The following POLQ variants were observed in gnomAD, a reference collection of about 807,000 sequenced individuals.
POLQ encodes the protein DNA polymerase theta.
POLQ carries 233 observed loss-of-function variants against 259.2 expected under a neutral mutation model. The ratio of observed to expected loss-of-function variants is 0.90; its 90% CI spans 0.81 to 1.00. The LOEUF is 1.00. POLQ is among the 50% of genes least tolerant of loss of function. The probability of loss-of-function intolerance (pLI) is 0.00; values close to 1 mark genes in which losing one functional copy is unlikely to be tolerated. For synonymous variants in POLQ, 1,025 were observed against 1,048.8 expected, an observed-to-expected ratio of 0.98 and a Z score of 0.44; for missense variants, 2,871 against 3,051.6, an observed-to-expected ratio of 0.94 and a Z score of 1.39.
chr3:121,511,636 G>C (rs940978859), intron 10 of POLQ, among the ~76,000 whole-genome samples: 1 of 152,042 alleles, frequency 6.6e-6, no homozygotes, highest in Admixed American at 6.6e-5. Context: ...AAATTAGCCA[G>C]GGATGATGGT....
At chr3:121,531,517 T>C (rs566619343) in intron 6 of POLQ, among the ~76,000 whole-genome samples, 39 of 152,262 alleles carry the variant, frequency 2.6e-4, no homozygotes, top group Admixed American at 5.9e-4. Flanking sequence ...TAGGACCTTA[T>C]AGACTACTAA....
At chr3:121,458,808 CG>C (rs1560089284) in intron 25 of POLQ, among the ~76,000 whole-genome samples, 1 of 152,100 alleles carries the variant, frequency 6.6e-6, no homozygotes, top group African/African-American at 2.4e-5. Context: ...CCCAGCACTT[CG>C]GGAGGCCAAG....
Position 121,537,252 on chromosome 3 carries a change from T to A in POLQ, c.632-44A>T, listed in dbSNP as rs76616505. The A allele has an allele frequency of 1.0e-5, 11 of 1,064,184 alleles. No individual in the cohort carries two copies. In the East Asian group the frequency reaches 2.6e-4, roughly 25 times the overall value. The allele number at this position is 1,064,184 out of a possible 1,614,324, so 65.9% of individuals were successfully genotyped here. On this transcript the variant is annotated intron_variant, in intron 4 of 29. Coordinates refer to ENST00000264233, the MANE Select transcript of POLQ (RefSeq NM_199420.4). ...TACTAGGTTTTTACAGAATGTCACATCCATGAAGAATTTTTTTCCAACCTT... is the reference window on the plus strand; with the variant it reads ...TACTAGGTTTTTACAGAATGTCACAACCATGAAGAATTTTTTTCCAACCTT...
intron 24 of POLQ, among the ~76,000 whole-genome samples, chr3:121,461,893 T>TTA (rs2047795019): frequency 6.6e-6 from 1 of 152,176 alleles, no homozygotes; most frequent in Admixed American, 6.5e-5. Context: ...TACACATCTT[T>TTA]TATATCATGT....
chr3:121,499,470 G>A (rs1014585614), intron 12 of POLQ, among the ~76,000 whole-genome samples: 2 of 152,044 alleles, frequency 1.3e-5, no homozygotes, highest in African/African-American at 4.8e-5. Flanking sequence ...GCCCAGGTTG[G>A]TCTCAGACTC....
chr3:121,506,757 T>C (rs983128565), intron 12 of POLQ, among the ~76,000 whole-genome samples: 2 of 152,218 alleles, frequency 1.3e-5, no homozygotes, highest in Non-Finnish European at 2.9e-5. Flanking sequence ...CATTTCAGTC[T>C]TTCCTAAAGA....
At chr3:121,494,613 T>C in intron 14 of POLQ, 1 of 1,521,218 alleles carries the variant, frequency 6.6e-7, no homozygotes, top group South Asian at 1.2e-5. Flanking sequence ...CTGGCTGTCT[T>C]CTTGCCTGCC....
intron 24 of POLQ, among the ~76,000 whole-genome samples, chr3:121,465,751 G>A (rs1396500767): frequency 6.6e-6 from 1 of 152,148 alleles, no homozygotes; most frequent in Non-Finnish European, 1.5e-5. Context: ...AATTTTGTGT[G>A]TGTTCTAACT....
intron 26 of POLQ, among the ~76,000 whole-genome samples, chr3:121,443,011 C>G (rs1361373721): frequency 1.3e-5 from 2 of 152,140 alleles, no homozygotes; most frequent in Non-Finnish European, 2.9e-5. Context: ...GTGCCCACTA[C>G]CATGCCCGGC....
At chr3:121,450,167 T>C (rs969771898) in intron 25 of POLQ, among the ~76,000 whole-genome samples, 1 of 152,176 alleles carries the variant, frequency 6.6e-6, no homozygotes, top group African/African-American at 2.4e-5. Context: ...ATCATGGGAT[T>C]GTTAGGTTTA....
intron 7 of POLQ, among the ~76,000 whole-genome samples, chr3:121,522,373 G>A (rs979095971): frequency 1.4e-5 from 1 of 72,892 alleles, no homozygotes; most frequent in Non-Finnish European, 2.8e-5. Flanking sequence ...CTGCAGTGGC[G>A]CAATCTCGGC....
At chr3:121,481,213 A>G (rs2047967646) in intron 19 of POLQ, among the ~76,000 whole-genome samples, 1 of 152,236 alleles carries the variant, frequency 6.6e-6, no homozygotes, top group Non-Finnish European at 1.5e-5. Context: ...AATTACCAAC[A>G]ACTGCATAAA....
At chr3:121,518,726 T>C (rs762176863) in intron 9 of POLQ, among the ~76,000 whole-genome samples, 13 of 151,384 alleles carry the variant, frequency 8.6e-5, no homozygotes, top group Non-Finnish European at 1.8e-4. Flanking sequence ...TCCTAATTTC[T>C]CTTCAGTAGC....
At chr3:121,468,871 C>T (rs1453019162) in intron 22 of POLQ, among the ~76,000 whole-genome samples, 1 of 152,176 alleles carries the variant, frequency 6.6e-6, no homozygotes, top group Admixed American at 6.5e-5. Context: ...CATTGTCATT[C>T]ATCAAGAGAA....
intron 14 of POLQ, chr3:121,494,641 G>T: frequency 2.0e-6 from 3 of 1,511,628 alleles, no homozygotes; most frequent in Non-Finnish European, 1.8e-6. Context: ...GTAAAATGGG[G>T]GTCCCTTACT....
At chr3:121,457,936 G>A (rs886758644) in intron 25 of POLQ, among the ~76,000 whole-genome samples, 12 of 152,212 alleles carry the variant, frequency 7.9e-5, no homozygotes, top group East Asian at 3.9e-4. Context: ...ACATGCACAC[G>A]TATGTTTATT....
Position 121,467,622 on chromosome 3 carries a change from A to G in POLQ, c.6864T>C (p.Gly2288=). Residue 2288 remains glycine (G), a synonymous_variant, in exon 24 of 30, where the codon GGT becomes GGC. Transcript: ENST00000264233. ...CCTGGCATCTAGGATTCACGCTGAA[A>G]CCCTTCTTATATTTTCCTCTGTGGT... ...LPMGRGKYKK[G]FSVNPRCQAQ... The G allele has an allele frequency of 6.2e-7, 1 of 1,613,540 alleles. No homozygotes were observed. The highest frequency in any genetic ancestry group is 1.1e-5 in the South Asian group (1 of 91,038).
chr3:121,526,677 T>G (rs886183711), intron 7 of POLQ, among the ~76,000 whole-genome samples: 4 of 152,188 alleles, frequency 2.6e-5, no homozygotes, highest in African/African-American at 9.7e-5. Context: ...ACCAAAAAAT[T>G]TTCCAATATA....
At chr3:121,525,470 G>GTTCA (rs2048366708) in intron 7 of POLQ, among the ~76,000 whole-genome samples, 1 of 152,148 alleles carries the variant, frequency 6.6e-6, no homozygotes, top group South Asian at 2.1e-4. Context: ...AACAGAAGGG[G>GTTCA]TTCATCTTGC....
Sources: allele counts gnomAD v4.1 joint callset (sites outside exome capture counted in the v4.1 genomes callset), GRCh38; gene constraint gnomAD v4.1.1; transcripts MANE v1.5; gene names NCBI Gene and HGNC (gene_info 2026-07-23, HGNC 2026-07-21).